The following ZNF70 variants were observed in gnomAD, a reference collection of about 807,000 sequenced individuals.
ZNF70 encodes the protein zinc finger protein N27C7-1.
Under a neutral mutation model 37.7 loss-of-function variants are expected in ZNF70, and 18 were observed. The observed-to-expected ratio is 0.48, with a 90% CI of 0.33 to 0.71. ZNF70 has a LOEUF of 0.71. Among genes scored for constraint, ZNF70 ranks in the 30% least tolerant of loss-of-function variants. ZNF70 has a pLI of 0.02. For missense variants in ZNF70, 506 were observed against 568.6 expected (o/e 0.89, Z 1.12); for synonymous variants, 219 against 220.1 (o/e 0.99, Z 0.05).
chr22:23,745,896 C>T (rs1223749555), intron 1 of ZNF70, among the ~76,000 whole-genome samples: 1 of 152,178 alleles, frequency 6.6e-6, no homozygotes, highest in Non-Finnish European at 1.5e-5. Flanking sequence ...AGAGCTCTTC[C>T]CTCTACCCTC....
At position 23,739,098 on chromosome 22, in the gene ZNF70, A is replaced by G. The variant is rs962022315; in HGVS notation, c.*4702T>C. On this transcript the variant is annotated 3_prime_UTR_variant, in exon 2 of 2. Coordinates refer to ENST00000341976, the MANE Select transcript of ZNF70 (RefSeq NM_021916.4). ...TTTGAATAAAATAATGAAAAAATTG[A>G]GTTAACAAATAGAACTGGTAGAATA... 108 of 152,286 alleles carry G rather than the reference A, an allele frequency of 7.1e-4. 1 individual carries two copies. The highest frequency in any genetic ancestry group is 2.6e-3 in the African/African-American group (106 of 41,552). 9.4% of individuals were successfully genotyped at this position (152,286 alleles called of 1,614,324 possible).
intron 1 of ZNF70, among the ~76,000 whole-genome samples, chr22:23,746,863 TGGTCCTAACA>T (rs1164814826): frequency 6.6e-6 from 1 of 152,214 alleles, no homozygotes; most frequent in Non-Finnish European, 1.5e-5. Flanking sequence ...TGCTGTTGTC[TGGTCCTAACA>T]GGTAAGGACC....
Position 23,738,858 on chromosome 22 carries a change from T to C in ZNF70, c.*4942A>G, listed in dbSNP as rs552803655. 6.6e-6 allele frequency: 1 copy of C among 152,078 alleles called. No homozygotes were observed. Among genetic ancestry groups the C allele is most frequent in the Admixed American group, 6.5e-5 (1 of 15,274 alleles). 9.4% of individuals were successfully genotyped at this position (152,078 alleles called of 1,614,324 possible). On this transcript the variant is annotated 3_prime_UTR_variant, in exon 2 of 2. Transcript: ENST00000341976. ...ACTATGATTAGATCAGGTAAATGAGTGTTCTGAACTGCTTTGGTGTCACAG... is the reference window on the plus strand; with the variant it reads ...ACTATGATTAGATCAGGTAAATGAGCGTTCTGAACTGCTTTGGTGTCACAG...
At chr22:23,748,994 T>A (rs986777940) in intron 1 of ZNF70, among the ~76,000 whole-genome samples, 15 of 152,080 alleles carry the variant, frequency 9.9e-5, no homozygotes, top group Admixed American at 6.6e-5. Context: ...TGGGTTCAAG[T>A]GATTCTCCTA....
At chr22:23,749,166 G>C (rs1404718031) in intron 1 of ZNF70, among the ~76,000 whole-genome samples, 1 of 151,536 alleles carries the variant, frequency 6.6e-6, no homozygotes, top group Non-Finnish European at 1.5e-5. Context: ...TTCAAGACCA[G>C]CCTGGCCAAG....
In ZNF70 at chr22:23,744,757, G is replaced by T. The variant is rs115780435; in HGVS notation, c.384C>A (p.Asn128Lys). 1.9e-6 allele frequency: 3 copies of T among 1,614,222 alleles called. No homozygotes were observed. Among genetic ancestry groups the T allele is most frequent in the Admixed American group, 3.3e-5 (2 of 60,026 alleles). The stretch of plus-strand genomic sequence containing the variant: ...CTGGTTGTGGGGTTCTGTGAGGTGC[G>T]TTAGGTCCTGAGTCCCCTCTGTCTG... ...AETDRGDSGPNAPHRTPQPAK... is the reference protein window; with the variant it reads ...AETDRGDSGPKAPHRTPQPAK... The change falls in exon 2 of 2, where the codon AAC (asparagine) becomes AAA (lysine). Residue 128 changes from asparagine to lysine, a missense_variant. Asn to Lys is a moderately conservative substitution (Grantham distance 94). Transcript: ENST00000341976.
Position 23,743,405 on chromosome 22 carries a change from TTTAA to T in ZNF70, c.*391_*394del, listed in dbSNP as rs1924948460. Reference sequence around the variant, plus strand: ...CTAAAAGTGCCAGACTGCAGCCTGTTTTAAAGAGTTCTTCTGATATTTTCCTGGG... The same window carrying T: ...CTAAAAGTGCCAGACTGCAGCCTGTTAGAGTTCTTCTGATATTTTCCTGGG... On this transcript the variant is annotated 3_prime_UTR_variant, in exon 2 of 2. Transcript: ENST00000341976. 1 of 191,496 alleles carries T rather than the reference TTTAA, an allele frequency of 5.2e-6. No homozygotes were observed. The highest frequency in any genetic ancestry group is 1.1e-5 in the Non-Finnish European group (1 of 92,824). The allele number at this position is 191,496 out of a possible 1,614,324, so 11.9% of individuals were successfully genotyped here. A position where few individuals can be genotyped will look rare whatever the true frequency, so the allele number is the denominator to read the frequency against.
Position 23,743,986 on chromosome 22 carries a change from G to A in ZNF70, c.1155C>T (p.Ile385=). ...AGGTGTAGGGCTTCTTGCCGGTGTG[G>A]ATTCTCTGGTGCTGGATCAGCGCAG... ...HSSALIQHQR[I]HTGKKPYTCE... Residue 385 remains isoleucine, a synonymous_variant, in exon 2 of 2, where the codon ATC becomes ATT. Coordinates refer to ENST00000341976, the MANE Select transcript of ZNF70 (RefSeq NM_021916.4). 1 of 1,614,212 alleles carries A rather than the reference G, an allele frequency of 6.2e-7. No individual in the cohort carries two copies. The highest frequency in any genetic ancestry group is 8.5e-7 in the Non-Finnish European group (1 of 1,180,034).
At position 23,744,293 on chromosome 22, in the gene ZNF70, T is replaced by C; in HGVS notation, c.848A>G (p.Asp283Gly). The C allele has an allele frequency of 3.7e-6, 6 of 1,613,792 alleles. No homozygotes were observed. The highest frequency in any genetic ancestry group is 5.1e-6 in the Non-Finnish European group (6 of 1,179,956). ...IHTLKKPHEC[D>G]LCGKAFCHRS... ...GTGACAAAAGGCTTTCCCACAGAGA[T>C]CGCACTCGTGAGGTTTCTTTAGGGT... The change falls in exon 2 of 2, where the codon GAT (aspartate) becomes GGT (glycine). Residue 283 changes from aspartate (D) to glycine (G), a missense_variant. Physicochemically the swap from Asp to Gly is moderately conservative, Grantham distance 94. Transcript: ENST00000341976.
Position 23,743,662 on chromosome 22 carries a change from A to T in ZNF70, c.*138T>A. Reference sequence around the variant, plus strand: ...CAGGGCCACACAGGGCCTTCCTGCTAGTGGGATGTTCAAGAGCGCTTAGGT... The same window carrying T: ...CAGGGCCACACAGGGCCTTCCTGCTTGTGGGATGTTCAAGAGCGCTTAGGT... On this transcript the variant is annotated 3_prime_UTR_variant, in exon 2 of 2. Coordinates refer to ENST00000341976, the MANE Select transcript of ZNF70 (RefSeq NM_021916.4). The T allele has an allele frequency of 8.2e-7, 1 of 1,213,164 alleles. No homozygotes were observed. The highest frequency in any genetic ancestry group is 1.1e-6 in the Non-Finnish European group (1 of 869,906). The allele number at this position is 1,213,164 out of a possible 1,614,324, so 75.1% of individuals were successfully genotyped here.
Position 23,744,301 on chromosome 22 carries a change from G to A in ZNF70, c.840C>T (p.His280=), listed in dbSNP as rs764370394. The change falls in exon 2 of 2, where the codon CAC becomes CAT. Residue 280 remains histidine (H), a synonymous_variant. Coordinates refer to ENST00000341976, the MANE Select transcript of ZNF70 (RefSeq NM_021916.4). ...AGGCTTTCCCACAGAGATCGCACTC[G>A]TGAGGTTTCTTTAGGGTGTGGATCT... The part of the protein sequence containing the change: ...HRKIHTLKKP[H]ECDLCGKAFC... 18 of 1,614,016 alleles carry A rather than the reference G, an allele frequency of 1.1e-5. No individual in the cohort carries two copies. Among genetic ancestry groups the A allele is most frequent in the East Asian group, 1.1e-4 (5 of 44,892 alleles).
In ZNF70 at chr22:23,744,115, C is replaced by A. The variant is rs763924518; in HGVS notation, c.1026G>T (p.Gly342=). Residue 342 remains glycine (G), a synonymous_variant, in exon 2 of 2, where the codon GGG becomes GGT. Transcript: ENST00000341976. ...GEKPYKCQKC[G]KAFSQSSSLI... ...GGGAGGAGCTCTGGCTGAAGGCTTT[C>A]CCACACTTCTGGCATTTGTAGGGCT... 1 of 1,613,720 alleles carries A rather than the reference C, an allele frequency of 6.2e-7. No individual in the cohort carries two copies. Among genetic ancestry groups the A allele is most frequent in the African/African-American group, 1.3e-5 (1 of 74,820 alleles).
rs1213233784 is a variant in ZNF70, at chr22:23,741,477, CA to C, written c.*2322del. 1 of 152,232 alleles carries C rather than the reference CA, an allele frequency of 6.6e-6. No individual in the cohort carries two copies. Among genetic ancestry groups the C allele is most frequent in the African/African-American group, 2.4e-5 (1 of 41,470 alleles). 9.4% of individuals were successfully genotyped at this position (152,232 alleles called of 1,614,324 possible). A position where few individuals can be genotyped will look rare whatever the true frequency, so the allele number is the denominator to read the frequency against. On this transcript the variant is annotated 3_prime_UTR_variant, in exon 2 of 2. Coordinates refer to ENST00000341976, the MANE Select transcript of ZNF70 (RefSeq NM_021916.4). ...AAATGTTTCACATACGTAGCAAAGACAGGGGCTGGACAGAGGCATGGCTGGA... is the reference window on the plus strand; with the variant it reads ...AAATGTTTCACATACGTAGCAAAGACGGGGCTGGACAGAGGCATGGCTGGA...
At chr22:23,745,773 A>ACAACAACAACAACAACAG in intron 1 of ZNF70, among the ~76,000 whole-genome samples, 1 of 151,628 alleles carries the variant, frequency 6.6e-6, no homozygotes, top group South Asian at 2.1e-4. Flanking sequence ...TCTATCTCAA[A>ACAACAACAACAACAACAG]CAACAACAAC....
Position 23,744,133 on chromosome 22 carries a change from G to T in ZNF70, c.1008C>A (p.Tyr336Ter), listed in dbSNP as rs1390435404. 6.2e-7 allele frequency: 1 copy of T among 1,612,402 alleles called. No individual in the cohort carries two copies. Among genetic ancestry groups the T allele is most frequent in the South Asian group, 1.1e-5 (1 of 90,542 alleles). ...HRKTHTGEKP[Y>*]KCQKCGKAFS... Reference sequence around the variant, plus strand: ...AGGCTTTCCCACACTTCTGGCATTTGTAGGGCTTCTCGCCAGTGTGGGTCT... The same window carrying T: ...AGGCTTTCCCACACTTCTGGCATTTTTAGGGCTTCTCGCCAGTGTGGGTCT... Residue 336 changes from tyrosine to a stop codon, truncating the protein, a stop_gained, in exon 2 of 2, where the codon TAC (tyrosine) becomes TAA (stop). Coordinates refer to ENST00000341976, the MANE Select transcript of ZNF70 (RefSeq NM_021916.4). LOFTEE classifies it high-confidence loss of function.
At position 23,744,016 on chromosome 22, in the gene ZNF70, G is replaced by A. The variant is rs762791658; in HGVS notation, c.1125C>T (p.His375=). The A allele has an allele frequency of 2.5e-6, 4 of 1,614,086 alleles. No individual in the cohort carries two copies. The highest frequency in any genetic ancestry group is 1.6e-4 in the Middle Eastern group (1 of 6,062). The change falls in exon 2 of 2, where the codon CAC becomes CAT. Residue 375 remains histidine (H), a synonymous_variant. Transcript: ENST00000341976. Reference sequence around the variant, plus strand: ...TCTGGTGCTGGATCAGCGCAGAGCTGTGGCAAAAGGCCTTGCCACACTGAC... The same window carrying A: ...TCTGGTGCTGGATCAGCGCAGAGCTATGGCAAAAGGCCTTGCCACACTGAC... ...ECCQCGKAFC[H]SSALIQHQRI...
At chr22:23,748,182 G>A (rs738788) in intron 1 of ZNF70, among the ~76,000 whole-genome samples, 40,306 of 106,402 alleles carry the variant, frequency 0.38, 6,186 homozygotes, top group East Asian at 0.64. Context: ...AACTGCCTCA[G>A]AAAAAAAAAA....
intron 1 of ZNF70, among the ~76,000 whole-genome samples, chr22:23,749,892 T>C (rs1190057725): frequency 6.6e-6 from 1 of 152,108 alleles, no homozygotes; most frequent in Non-Finnish European, 1.5e-5. Flanking sequence ...TCTCCTTTTC[T>C]AGCTCCACCC....
intron 1 of ZNF70, 141 bp downstream of exon 1, chr22:23,750,570 G>A (rs912717535): frequency 6.6e-6 from 1 of 152,124 alleles, no homozygotes; most frequent in African/African-American, 2.4e-5. Context: ...CCTCCGTAGA[G>A]GTTTTCCATT....
Sources: gnomAD v4.1 joint callset for allele counts (sites outside exome capture counted in the v4.1 genomes callset) on GRCh38, gnomAD v4.1.1 for gene constraint, MANE v1.5 for transcripts, NCBI Gene and HGNC (gene_info 2026-07-23, HGNC 2026-07-21) for gene names.